The following EPHA6 variants were observed in gnomAD, a reference collection of about 807,000 sequenced individuals.
EPHA6 encodes the protein ephrin type-A receptor 6.
EPHA6 carries 50 observed loss-of-function variants against 112.0 expected under a neutral mutation model. That is an observed-to-expected ratio of 0.45 (90% CI 0.36 to 0.56). The LOEUF (loss-of-function observed/expected upper bound fraction) is 0.56, where lower values mean the gene tolerates loss of function less well. Among genes scored for constraint, EPHA6 ranks in the 20% least tolerant of loss-of-function variants. EPHA6 has a pLI of 0.00. For synonymous variants in EPHA6, 529 were observed against 490.7 expected (o/e 1.08, Z -1.03); for missense variants, 1,280 against 1,417.4 (o/e 0.90, Z 1.56).
intron 5 of EPHA6, among the ~76,000 whole-genome samples, chr3:97,306,902 T>A (rs79058129): frequency 6.6e-6 from 1 of 151,538 alleles, no homozygotes; most frequent in Non-Finnish European, 1.5e-5. Context: ...TTTTTTTTTT[T>A]ACATGTTAGA....
chr3:97,636,611 T>C (rs2093947669), intron 13 of EPHA6, among the ~76,000 whole-genome samples: 1 of 152,116 alleles, frequency 6.6e-6, no homozygotes, highest in Non-Finnish European at 1.5e-5. Context: ...GTTTATTTCA[T>C]TTGTAGTATA....
At chr3:96,923,832 T>C (rs1404992239) in intron 2 of EPHA6, among the ~76,000 whole-genome samples, 1 of 151,800 alleles carries the variant, frequency 6.6e-6, no homozygotes, top group Non-Finnish European at 1.5e-5. Flanking sequence ...GAGTCCAGTT[T>C]CAGTTTTCTG....
intron 2 of EPHA6, among the ~76,000 whole-genome samples, chr3:96,986,828 A>G (rs1310532936): frequency 6.6e-6 from 1 of 152,194 alleles, no homozygotes; most frequent in Non-Finnish European, 1.5e-5. Context: ...TGAAGTAGTC[A>G]TATAAATATT....
At chr3:97,127,260 C>T (rs1192930342) in intron 3 of EPHA6, among the ~76,000 whole-genome samples, 2 of 152,108 alleles carry the variant, frequency 1.3e-5, no homozygotes, top group Non-Finnish European at 2.9e-5. Flanking sequence ...CTTTGCAAGA[C>T]CTGCTTTGCT....
intron 3 of EPHA6, among the ~76,000 whole-genome samples, chr3:97,005,242 C>T (rs774401049): frequency 6.6e-6 from 1 of 152,092 alleles, no homozygotes; most frequent in Non-Finnish European, 1.5e-5. Context: ...ATCTTCGTAT[C>T]CATGAGGATG....
chr3:97,073,364 A>G (rs192522445), intron 3 of EPHA6, among the ~76,000 whole-genome samples: 1 of 152,226 alleles, frequency 6.6e-6, no homozygotes. Flanking sequence ...TAATTTTTAT[A>G]TAATATGAAT....
In EPHA6 at chr3:97,067,571, T is replaced by C. The variant is rs961216941; in HGVS notation, c.1114+79578T>C. Among the ~76,000 whole-genome samples, 3 of 149,606 alleles carry C rather than the reference T, an allele frequency of 2.0e-5. No homozygotes were observed. The East Asian group carries it at 5.9e-4, about 29-fold the overall frequency. On this transcript the variant is annotated intron_variant, in intron 3 of 17. Coordinates refer to ENST00000389672, the MANE Select transcript of EPHA6 (RefSeq NM_001080448.3). ...ATATATATATACCAAAGAGAAGCAA[T>C]AGTAGGATAAAATAGGGAGCCAAGG...
At chr3:97,429,148 C>T (rs1045305664) in intron 6 of EPHA6, among the ~76,000 whole-genome samples, 3 of 152,004 alleles carry the variant, frequency 2.0e-5, no homozygotes, top group Non-Finnish European at 2.9e-5. Context: ...TCCAAGGAAA[C>T]GCTTTGGGAA....
chr3:97,235,238 A>T (rs2078646257), intron 4 of EPHA6, among the ~76,000 whole-genome samples: 1 of 152,104 alleles, frequency 6.6e-6, no homozygotes, highest in South Asian at 2.1e-4. Flanking sequence ...TCCACAAGAG[A>T]CTACAAGGTA....
chr3:97,328,429 G>T (rs1446359068), intron 5 of EPHA6, among the ~76,000 whole-genome samples: 1 of 151,718 alleles, frequency 6.6e-6, no homozygotes, highest in Non-Finnish European at 1.5e-5. Context: ...GTTTTAATTT[G>T]CATTCTCCTC....
intron 3 of EPHA6, among the ~76,000 whole-genome samples, chr3:97,212,213 C>T (rs1201840193): frequency 1.3e-5 from 2 of 152,014 alleles, no homozygotes; most frequent in Admixed American, 6.6e-5. Context: ...TTTCAGGATA[C>T]TTGGGAATCT....
chr3:97,628,535 A>T (rs2093877344), intron 13 of EPHA6, among the ~76,000 whole-genome samples: 1 of 151,964 alleles, frequency 6.6e-6, no homozygotes, highest in Non-Finnish European at 1.5e-5. Flanking sequence ...TCAGGTGGCT[A>T]AAAATAGTTT....
At chr3:97,166,718 A>G (rs562486993) in intron 3 of EPHA6, among the ~76,000 whole-genome samples, 1 of 152,152 alleles carries the variant, frequency 6.6e-6, no homozygotes, top group Non-Finnish European at 1.5e-5. Flanking sequence ...ACCCTAAATC[A>G]GGGCAGATTA....
intron 5 of EPHA6, among the ~76,000 whole-genome samples, chr3:97,371,406 A>G (rs2085045061): frequency 6.6e-6 from 1 of 152,068 alleles, no homozygotes; most frequent in Non-Finnish European, 1.5e-5. Context: ...AATTTCTTAC[A>G]CCTGTCTTTA....
At chr3:96,991,928 A>G (rs1354946401) in intron 3 of EPHA6, among the ~76,000 whole-genome samples, 3 of 152,102 alleles carry the variant, frequency 2.0e-5, no homozygotes, top group South Asian at 2.1e-4. Context: ...GTGAAGTGCA[A>G]CTGGTGTTTT....
intron 3 of EPHA6, among the ~76,000 whole-genome samples, chr3:97,210,204 T>A (rs1439685050): frequency 6.6e-6 from 1 of 152,112 alleles, no homozygotes; most frequent in Non-Finnish European, 1.5e-5. Flanking sequence ...AATGGGTAAT[T>A]TATAAAGAAA....
intron 5 of EPHA6, among the ~76,000 whole-genome samples, chr3:97,401,817 C>T (rs547719619): frequency 6.6e-6 from 1 of 151,830 alleles, no homozygotes; most frequent in South Asian, 2.1e-4. Context: ...ATAAACCTCA[C>T]TCTTAGTATT....
chr3:96,920,547 C>T, intron 2 of EPHA6, among the ~76,000 whole-genome samples: 1 of 151,780 alleles, frequency 6.6e-6, no homozygotes, highest in Non-Finnish European at 1.5e-5. Context: ...AAAAACAAAT[C>T]AACCAGTAAA....
chr3:97,541,702 G>A lies in EPHA6; in HGVS notation c.2386+9159G>A, dbSNP rs567561532. Among the ~76,000 whole-genome samples the A allele has an allele frequency of 7.4e-5, 11 of 148,588 alleles. No homozygotes were observed. In the South Asian group the frequency reaches 1.7e-3, roughly 23 times the overall value. ...TATTTTGTAGACTGTCCCTCAGTTC[G>A]GGTGTGTCTTGTTTTCTTTTTTTTG... On this transcript the variant is annotated intron_variant, in intron 11 of 17. Coordinates refer to ENST00000389672, the MANE Select transcript of EPHA6 (RefSeq NM_001080448.3).
Sources: allele counts gnomAD v4.1 joint callset (sites outside exome capture counted in the v4.1 genomes callset), GRCh38; gene constraint gnomAD v4.1.1; transcripts MANE v1.5; gene names NCBI Gene and HGNC (gene_info 2026-07-23, HGNC 2026-07-21).